LRCH3: variants seen among roughly 807,000 people sequenced by gnomAD.
LRCH3 encodes DISP complex protein LRCH3.
Under a neutral mutation model 104.5 loss-of-function variants are expected in LRCH3, and 68 were observed. That is an observed-to-expected ratio of 0.65 (90% CI 0.54 to 0.80). LRCH3 has a LOEUF of 0.80. Among genes scored for constraint, LRCH3 ranks in the 30% least tolerant of loss-of-function variants. The pLI is 0.00. For missense variants in LRCH3, 951 were observed against 953.9 expected (o/e 1.00, Z 0.04); for synonymous variants, 344 against 361.3 (o/e 0.95, Z 0.54).
At chr3:197,838,449 T>A (rs1472688641) in intron 9 of LRCH3, among the ~76,000 whole-genome samples, 1 of 149,222 alleles carries the variant, frequency 6.7e-6, no homozygotes, top group Non-Finnish European at 1.5e-5. Flanking sequence ...AGGTAGATGC[T>A]ATTTCTTGGA....
chr3:197,830,628 A>T (rs929890505), intron 6 of LRCH3, 142 bp from the exon 7 acceptor site: 1 of 613,438 alleles, frequency 1.6e-6, no homozygotes, highest in Non-Finnish European at 2.9e-6. Context: ...GGAATTTTTC[A>T]TATTAAAAAA....
At chr3:197,815,775 CTTG>C (rs1415202734) in intron 2 of LRCH3, among the ~76,000 whole-genome samples, 2 of 152,112 alleles carry the variant, frequency 1.3e-5, no homozygotes, top group African/African-American at 4.8e-5. Flanking sequence ...TAAAATAACT[CTTG>C]TTGTTTTATT....
At chr3:197,827,111 A>G in intron 5 of LRCH3, 97 bp downstream of exon 5, 1 of 1,547,520 alleles carries the variant, frequency 6.5e-7, no homozygotes, top group African/African-American at 1.4e-5. Flanking sequence ...CATCAGGTAA[A>G]TCATAGTGGA....
At position 197,879,570 on chromosome 3, in the gene LRCH3, C is replaced by T. The variant is rs554301510; in HGVS notation, c.2208+3795C>T. ...CTGAGGCGGGAGAATGGCGGGAACC[C>T]GGGAGGCGGAGCTTGCAGTGAGCCG... is the stretch of plus-strand genomic sequence containing the variant. On this transcript the variant is annotated intron_variant, in intron 20 of 20. Coordinates refer to ENST00000425562, the MANE Select transcript of LRCH3 (RefSeq NM_001365715.1). Among the ~76,000 whole-genome samples, 69 of 151,792 alleles carry T rather than the reference C, an allele frequency of 4.5e-4. 2 individuals carry two copies. In the South Asian group the frequency reaches 8.5e-3, roughly 19 times the overall value.
Position 197,805,091 on chromosome 3 carries a change from A to C in LRCH3, c.263-9817A>C, listed in dbSNP as rs1158982795. Among the ~76,000 whole-genome samples, 3 of 151,936 alleles carry C rather than the reference A, an allele frequency of 2.0e-5. 1 individual carries two copies. Among genetic ancestry groups the C allele is most frequent in the Non-Finnish European group, 4.4e-5 (3 of 67,972 alleles). On this transcript the variant is annotated intron_variant, in intron 1 of 20. Coordinates refer to ENST00000425562, the MANE Select transcript of LRCH3 (RefSeq NM_001365715.1). ...GTATTTTTGGTAGAGCTGGGGTTTC[A>C]CCGTGTTGGTCAGGCTGGTCTCGAA...
chr3:197,815,493 T>C (rs1228755554), intron 2 of LRCH3, among the ~76,000 whole-genome samples: 2 of 152,202 alleles, frequency 1.3e-5, no homozygotes, highest in Admixed American at 1.3e-4. Context: ...TGAATGTGTA[T>C]TGCATTCCCA....
intron 1 of LRCH3, among the ~76,000 whole-genome samples, chr3:197,794,802 C>T (rs549268189): frequency 6.6e-6 from 1 of 152,220 alleles, no homozygotes; most frequent in African/African-American, 2.4e-5. Context: ...ATCGGAAGTT[C>T]CAGACCAGCT....
At chr3:197,867,008 C>T (rs1741563692) in intron 17 of LRCH3, among the ~76,000 whole-genome samples, 1 of 152,154 alleles carries the variant, frequency 6.6e-6, no homozygotes. Flanking sequence ...GGCACGGTGG[C>T]TCACACTTGT....
intron 2 of LRCH3, 122 bp from the exon 3 acceptor site, chr3:197,817,054 T>G: frequency 2.4e-6 from 2 of 825,186 alleles, no homozygotes; most frequent in Non-Finnish European, 3.6e-6. Flanking sequence ...AGAACTCCAG[T>G]ACCCTGTTTG....
rs1295202912 is a variant in LRCH3 at position 197,881,395 on chromosome 3, AC to A, written c.2209-2145del. ...GACTGCTCTTCTGAGCCCAGTCTAT[AC>A]GCTGTATGTGCTGCACACGAGCAGA... is the stretch of plus-strand genomic sequence containing the variant. On this transcript the variant is annotated intron_variant, in intron 20 of 20. Transcript: ENST00000425562. The A allele has an allele frequency of 7.1e-6, 7 of 986,292 alleles. No individual in the cohort carries two copies. The Admixed American group carries it at 1.8e-4, about 26-fold the overall frequency. The allele number at this position is 986,292 out of a possible 1,614,324, so 61.1% of individuals were successfully genotyped here.
intron 1 of LRCH3, among the ~76,000 whole-genome samples, chr3:197,811,235 ATTAC>A (rs1733089885): frequency 6.6e-6 from 1 of 152,152 alleles, no homozygotes; most frequent in Non-Finnish European, 1.5e-5. Flanking sequence ...ATTTTAAATT[ATTAC>A]TTTTATATAA....
rs1327562566 is a variant in LRCH3, at chr3:197,829,676, A to G, written c.887+3A>G. 1 of 1,580,420 alleles carries G rather than the reference A, an allele frequency of 6.3e-7. No homozygotes were observed. Among genetic ancestry groups the G allele is most frequent in the African/African-American group, 1.4e-5 (1 of 73,836 alleles). ...AGACCGTTGGGTTTTGGCTCCTGGT[A>G]AGTATATTCTGTCCCTTTATCTATC... On this transcript the variant is annotated splice_donor_region_variant and intron_variant, in intron 6 of 20. Coordinates refer to ENST00000425562, the MANE Select transcript of LRCH3 (RefSeq NM_001365715.1).
intron 1 of LRCH3, among the ~76,000 whole-genome samples, chr3:197,812,532 G>GTTTTTTTTTTTTTTT: frequency 1.1e-3 from 5 of 4,620 alleles, no homozygotes; most frequent in East Asian, 0.01. Flanking sequence ...TTTTTTTTTA[G>GTTTTTTTTTTTTTTT]GTGGAGTCTC....
chr3:197,814,518 G>A (rs959588701), intron 1 of LRCH3, among the ~76,000 whole-genome samples: 1 of 152,182 alleles, frequency 6.6e-6, no homozygotes, highest in African/African-American at 2.4e-5. Flanking sequence ...CAATATATGT[G>A]ATGAATTTCA....
chr3:197,806,115 G>A (rs7631508), intron 1 of LRCH3, among the ~76,000 whole-genome samples: 112,072 of 151,692 alleles, frequency 0.74, 43,563 homozygotes, highest in East Asian at 0.94. Context: ...TAGTAGAGAC[G>A]GGGTTTCTCC....
chr3:197,794,350 G>A (rs572601114), intron 1 of LRCH3, among the ~76,000 whole-genome samples: 40 of 152,330 alleles, frequency 2.6e-4, no homozygotes, highest in African/African-American at 9.6e-4. Flanking sequence ...TCAAAGATCT[G>A]TGGCTAAAGG....
intron 8 of LRCH3, among the ~76,000 whole-genome samples, chr3:197,833,738 AT>A (rs1055896104): frequency 6.3e-4 from 96 of 152,316 alleles, no homozygotes; most frequent in African/African-American, 2.0e-3. Flanking sequence ...TTTAAAAAAT[AT>A]GGCTACTAGA....
At chr3:197,850,266 C>T in intron 12 of LRCH3, 1 of 579,942 alleles carries the variant, frequency 1.7e-6, no homozygotes, top group Non-Finnish European at 3.0e-6. Flanking sequence ...TTATTGAATG[C>T]TTATTATGTA....
chr3:197,849,267 C>CAAAAA (rs35823428), intron 12 of LRCH3, among the ~76,000 whole-genome samples: 3 of 35,308 alleles, frequency 8.5e-5, no homozygotes, highest in African/African-American at 9.1e-5. Context: ...GACTCCACCT[C>CAAAAA]AAAAAAAAAA....
Sources: allele counts gnomAD v4.1 joint callset (sites outside exome capture counted in the v4.1 genomes callset), GRCh38; gene constraint gnomAD v4.1.1; transcripts MANE v1.5; gene names NCBI Gene and HGNC (gene_info 2026-07-23, HGNC 2026-07-21).